Variants in CSTPP1 observed in about 807,000 individuals in gnomAD.
CSTPP1 encodes the protein UPF0705 protein C11orf49.
At chr11:47,159,235 CG>C in the CSTPP1 span, among the ~76,000 whole-genome samples, 1 of 152,166 alleles carries the variant, frequency 6.6e-6, no homozygotes, top group Admixed American at 6.5e-5. Flanking sequence ...ACAGGCCAGG[CG>C]TGGTGCCTCA....
At chr11:47,063,149 T>C in the CSTPP1 span, among the ~76,000 whole-genome samples, 1 of 152,216 alleles carries the variant, frequency 6.6e-6, no homozygotes, top group Admixed American at 6.5e-5. Flanking sequence ...TTCTCCTTGA[T>C]ATCTCCATGA....
chr11:47,144,860 C>A, the CSTPP1 span, among the ~76,000 whole-genome samples: 1 of 152,076 alleles, frequency 6.6e-6, no homozygotes, highest in African/African-American at 2.4e-5. Context: ...GGACCACATC[C>A]CCAGAGTTCA....
chr11:46,944,317 C>CAAA, the CSTPP1 span, among the ~76,000 whole-genome samples: 1,060 of 77,426 alleles, frequency 0.014, 23 homozygotes, highest in African/African-American at 0.035. Flanking sequence ...GACTGCTTCT[C>CAAA]AAAAAAAAAA....
At chr11:46,948,146 A>G in the CSTPP1 span, 1 of 456,150 alleles carries the variant, frequency 2.2e-6, no homozygotes, top group Non-Finnish European at 4.4e-6. Flanking sequence ...TCATGCCCCA[A>G]AGTCCTGCAA....
the CSTPP1 span, chr11:47,157,054 G>A: frequency 2.4e-5 from 39 of 1,613,998 alleles, no homozygotes; most frequent in Non-Finnish European, 3.2e-5. Context: ...CCATCTATGA[G>A]GACCTGCTGT....
At chr11:47,139,649 G>C in the CSTPP1 span, among the ~76,000 whole-genome samples, 12 of 151,598 alleles carry the variant, frequency 7.9e-5, no homozygotes, top group African/African-American at 2.9e-4. Flanking sequence ...TCCAGCATGG[G>C]GGACAGAGTG....
the CSTPP1 span, among the ~76,000 whole-genome samples, chr11:47,124,920 T>C: frequency 6.6e-6 from 1 of 152,212 alleles, no homozygotes; most frequent in Non-Finnish European, 1.5e-5. Context: ...TTCACATTTT[T>C]ATTAAAATAA....
At chr11:47,002,817 A>G in the CSTPP1 span, among the ~76,000 whole-genome samples, 1 of 152,242 alleles carries the variant, frequency 6.6e-6, no homozygotes, top group Non-Finnish European at 1.5e-5. Flanking sequence ...TTACATTAAA[A>G]TATCTCCCCT....
the CSTPP1 span, among the ~76,000 whole-genome samples, chr11:47,000,933 T>G: frequency 4.3e-4 from 65 of 152,294 alleles, no homozygotes; most frequent in Non-Finnish European, 8.2e-4. Flanking sequence ...ATAAGGAAAT[T>G]CAGGCTATAA....
chr11:47,161,475 T>TCCCAGGC, the CSTPP1 span: 2 of 1,613,918 alleles, frequency 1.2e-6, no homozygotes, highest in Non-Finnish European at 1.7e-6. Flanking sequence ...CTGGCCCAGG[T>TCCCAGGC]CCCAGGCCTG....
chr11:47,162,255 G>A, the CSTPP1 span: 1 of 985,504 alleles, frequency 1.0e-6, no homozygotes, highest in Non-Finnish European at 1.2e-6. Context: ...TAACTGGTGA[G>A]TCTAAAGCTC....
At chr11:47,155,778 G>A in the CSTPP1 span, 1 of 157,798 alleles carries the variant, frequency 6.3e-6, no homozygotes. Context: ...CTCTCCCTTG[G>A]CAACTGATCG....
the CSTPP1 span, among the ~76,000 whole-genome samples, chr11:47,159,246 A>G: frequency 6.6e-6 from 1 of 152,322 alleles, no homozygotes; most frequent in African/African-American, 2.4e-5. Flanking sequence ...GTGGTGCCTC[A>G]CGCCTGTAAT....
At chr11:47,116,451 A>T in the CSTPP1 span, among the ~76,000 whole-genome samples, 1 of 151,962 alleles carries the variant, frequency 6.6e-6, no homozygotes, top group African/African-American at 2.4e-5. Flanking sequence ...GTGGGAGTCT[A>T]AGTCTCTTTG....
the CSTPP1 span, among the ~76,000 whole-genome samples, chr11:46,964,577 G>A: frequency 2.0e-5 from 3 of 152,276 alleles, no homozygotes; most frequent in South Asian, 2.1e-4. Flanking sequence ...GAGCCACCGC[G>A]CCTGGCCCAC....
chr11:47,041,622 G>T, the CSTPP1 span: 1 of 411,620 alleles, frequency 2.4e-6, no homozygotes, highest in East Asian at 4.4e-5. Context: ...TCAACTTCTT[G>T]CTCATGCTCA....
chr11:47,140,905 C>T, the CSTPP1 span, among the ~76,000 whole-genome samples: 1 of 151,820 alleles, frequency 6.6e-6, no homozygotes, highest in African/African-American at 2.4e-5. Context: ...TGGAGACCAT[C>T]CTGGCTATCA....
the CSTPP1 span, among the ~76,000 whole-genome samples, chr11:46,966,869 G>A: frequency 6.6e-6 from 1 of 152,170 alleles, no homozygotes; most frequent in Non-Finnish European, 1.5e-5. Flanking sequence ...TATGCAAACT[G>A]GGGTGGCTTA....
the CSTPP1 span, among the ~76,000 whole-genome samples, chr11:46,985,089 G>A: frequency 1.3e-5 from 2 of 152,034 alleles, no homozygotes; most frequent in Non-Finnish European, 2.9e-5. Flanking sequence ...CCTCTTTTTG[G>A]GTGGGGTTGG....
Sources: allele counts gnomAD v4.1 joint callset (sites outside exome capture counted in the v4.1 genomes callset), GRCh38; gene constraint gnomAD v4.1.1; transcripts MANE v1.5; gene names NCBI Gene and HGNC (gene_info 2026-07-23, HGNC 2026-07-21).